The following WWOX variants were observed in gnomAD, a reference collection of about 807,000 sequenced individuals.
The protein encoded by WWOX is WW domain containing oxidoreductase.
In WWOX, 69 loss-of-function variants were observed where a neutral mutation model predicts 46.2. That is an observed-to-expected ratio of 1.49 (90% CI 1.23 to 1.82). The LOEUF is 1.82. Ranked by LOEUF, WWOX falls within the 40% of genes most tolerant of loss-of-function variation. WWOX has a pLI of 0.00. For synonymous variants in WWOX, 359 were observed against 202.6 expected (o/e 1.77, Z -6.56); for missense variants, 919 against 542.6 (o/e 1.69, Z -6.89).
intron 8 of WWOX, among the ~76,000 whole-genome samples, chr16:78,640,281 G>C (rs1325104815): frequency 8.3e-6 from 1 of 120,202 alleles, no homozygotes; most frequent in Non-Finnish European, 1.6e-5. Context: ...GTGACTTTTA[G>C]CGAATGGATA....
At chr16:78,287,420 A>G (rs1027923681) in intron 5 of WWOX, among the ~76,000 whole-genome samples, 1 of 152,200 alleles carries the variant, frequency 6.6e-6, no homozygotes, top group Non-Finnish European at 1.5e-5. Context: ...AAATTCATCC[A>G]GGGCCACAAA....
chr16:79,202,902 G>C (rs78437924), intron 8 of WWOX: 15 of 152,284 alleles, frequency 9.9e-5, no homozygotes, highest in Non-Finnish European at 1.9e-4. Context: ...TGCATATTTA[G>C]ATAATATTTG....
chr16:78,918,554 C>T (rs1037462852), intron 8 of WWOX, among the ~76,000 whole-genome samples: 2 of 152,184 alleles, frequency 1.3e-5, no homozygotes, highest in Non-Finnish European at 1.5e-5. Flanking sequence ...AAAACTTTTT[C>T]TTCTTTCCGA....
At chr16:78,735,508 A>C (rs572520407) in intron 8 of WWOX, among the ~76,000 whole-genome samples, 5 of 152,118 alleles carry the variant, frequency 3.3e-5, no homozygotes, top group Non-Finnish European at 4.4e-5. Context: ...TCGAGGACTT[A>C]TGCCGATGTT....
intron 8 of WWOX, among the ~76,000 whole-genome samples, chr16:78,626,195 A>G (rs966448030): frequency 2.6e-5 from 4 of 151,098 alleles, no homozygotes; most frequent in African/African-American, 9.7e-5. Flanking sequence ...CAGTGGCGCG[A>G]TCTTGGCTCA....
At chr16:78,263,547 G>C (rs977227075) in intron 5 of WWOX, among the ~76,000 whole-genome samples, 8 of 152,132 alleles carry the variant, frequency 5.3e-5, no homozygotes, top group South Asian at 2.1e-4. Flanking sequence ...ACCCTTGCTG[G>C]CTGCAGTTGA....
At chr16:79,066,424 A>T (rs1173405331) in intron 8 of WWOX, among the ~76,000 whole-genome samples, 1 of 152,132 alleles carries the variant, frequency 6.6e-6, no homozygotes, top group Non-Finnish European at 1.5e-5. Flanking sequence ...CATCATTATC[A>T]AGTGCGCAAT....
intron 8 of WWOX, among the ~76,000 whole-genome samples, chr16:79,095,795 C>G (rs929525721): frequency 5.9e-5 from 9 of 151,726 alleles, no homozygotes; most frequent in South Asian, 2.1e-4. Context: ...GCCGACTTCA[C>G]CCTTGCATAC....
At chr16:78,515,196 C>A (rs11860993) in intron 8 of WWOX, among the ~76,000 whole-genome samples, 22,172 of 152,164 alleles carry the variant, frequency 0.15, 1,735 homozygotes, top group Non-Finnish European at 0.18. Flanking sequence ...TGCACTCCAG[C>A]CTAGGCGACA....
chr16:78,650,402 C>A (rs978327254), intron 8 of WWOX, among the ~76,000 whole-genome samples: 2 of 152,132 alleles, frequency 1.3e-5, no homozygotes, highest in Non-Finnish European at 2.9e-5. Context: ...AATACAGATT[C>A]ATTTTGTCAC....
chr16:78,948,811 A>G (rs750262651), intron 8 of WWOX, among the ~76,000 whole-genome samples: 2 of 152,146 alleles, frequency 1.3e-5, no homozygotes, highest in Non-Finnish European at 2.9e-5. Flanking sequence ...GTAACTAATC[A>G]GCTGACTTTA....
intron 1 of WWOX, among the ~76,000 whole-genome samples, chr16:78,105,132 G>C (rs2032058922): frequency 6.6e-6 from 1 of 152,180 alleles, no homozygotes; most frequent in Non-Finnish European, 1.5e-5. Context: ...CATCTGATGG[G>C]CAGAGGCCAG....
At chr16:78,935,302 C>G (rs940630855) in intron 8 of WWOX, among the ~76,000 whole-genome samples, 1 of 152,104 alleles carries the variant, frequency 6.6e-6, no homozygotes, top group African/African-American at 2.4e-5. Flanking sequence ...GACACATGCA[C>G]ATGTATGTTT....
chr16:78,657,976 CTT>C (rs1406985254), intron 8 of WWOX, among the ~76,000 whole-genome samples: 1 of 152,078 alleles, frequency 6.6e-6, no homozygotes. Flanking sequence ...GGCCAAGTGA[CTT>C]TGATTTTTCA....
intron 8 of WWOX, among the ~76,000 whole-genome samples, chr16:78,853,554 C>G (rs555798900): frequency 3.9e-5 from 6 of 152,326 alleles, no homozygotes; most frequent in African/African-American, 1.2e-4. Flanking sequence ...CTCCATTACT[C>G]ATGAATCTTC....
intron 8 of WWOX, among the ~76,000 whole-genome samples, chr16:78,463,295 C>T (rs562225296): frequency 3.9e-5 from 6 of 152,248 alleles, no homozygotes; most frequent in African/African-American, 1.2e-4. Context: ...ATTGTCCATC[C>T]GTGGTAAAAA....
intron 8 of WWOX, among the ~76,000 whole-genome samples, chr16:78,716,619 C>A (rs944491339): frequency 7.9e-5 from 12 of 152,184 alleles, no homozygotes; most frequent in African/African-American, 2.9e-4. Context: ...TAACCCTCAT[C>A]TCTATAGGTT....
chr16:78,216,088 A>C (rs1257638413), intron 5 of WWOX, among the ~76,000 whole-genome samples: 2 of 152,206 alleles, frequency 1.3e-5, no homozygotes, highest in Non-Finnish European at 2.9e-5. Context: ...TCCGTCAGCC[A>C]CACTGCCTGT....
At chr16:78,723,620 T>TCTTTTC in intron 8 of WWOX, among the ~76,000 whole-genome samples, 3 of 96,838 alleles carry the variant, frequency 3.1e-5, no homozygotes, top group African/African-American at 1.3e-4. Flanking sequence ...TTCTTTTCTT[T>TCTTTTC]TCTTTTCTTT....
Sources: allele counts gnomAD v4.1 joint callset (sites outside exome capture counted in the v4.1 genomes callset), GRCh38; gene constraint gnomAD v4.1.1; transcripts MANE v1.5; gene names NCBI Gene and HGNC (gene_info 2026-07-23, HGNC 2026-07-21).